EIF3H: variants seen among roughly 807,000 people sequenced by gnomAD.
EIF3H encodes the protein eukaryotic translation initiation factor 3 subunit H.
In EIF3H, 26 loss-of-function variants were observed where a neutral mutation model predicts 44.2. The ratio of observed to expected loss-of-function variants is 0.59; its 90% confidence interval spans 0.43 to 0.82. EIF3H has a LOEUF of 0.82. Ranked by LOEUF, EIF3H falls within the 40% of genes least tolerant of loss-of-function variation. The probability of loss-of-function intolerance (pLI) is 0.00; values close to 1 mark genes in which losing one functional copy is unlikely to be tolerated. For missense variants in EIF3H, 359 were observed against 432.8 expected, an observed-to-expected ratio of 0.83 and a Z score of 1.51; for synonymous variants, 166 against 151.9, an observed-to-expected ratio of 1.09 and a Z score of -0.68.
intron 2 of EIF3H, among the ~76,000 whole-genome samples, chr8:116,725,010 C>T (rs537725199): frequency 6.6e-6 from 1 of 152,272 alleles, no homozygotes; most frequent in South Asian, 2.1e-4. Context: ...TTCACAATAG[C>T]CAACAGGTGG....
At chr8:116,670,386 C>CT (rs1320906029) in intron 2 of EIF3H, among the ~76,000 whole-genome samples, 2 of 152,170 alleles carry the variant, frequency 1.3e-5, no homozygotes, top group Non-Finnish European at 2.9e-5. Context: ...CAAAGATACA[C>CT]TATCAGGACA....
At chr8:116,744,616 AAAG>A (rs1815201560) in intron 1 of EIF3H, among the ~76,000 whole-genome samples, 1 of 152,244 alleles carries the variant, frequency 6.6e-6, no homozygotes, top group South Asian at 2.1e-4. Context: ...TAGCCATTTT[AAAG>A]AATGATCTAC....
Position 116,673,214 on chromosome 8 carries a change from A to G in EIF3H, c.290-14234T>C, listed in dbSNP as rs1053806676. On this transcript the variant is annotated intron_variant, in intron 2 of 7. Transcript: ENST00000521861. ...TTTTAAAACATCAGCAAAAGCAGCA[A>G]GCATTTGGTCACTGCCGGAGGATCC... 2.0e-5 allele frequency among the ~76,000 whole-genome samples: 3 copies of G among 152,194 alleles called. 1 individual carries two copies. In the South Asian group the frequency reaches 6.2e-4, roughly 32 times the overall value.
At chr8:116,656,056 A>G in intron 4 of EIF3H, 51 bp from the exon 5 acceptor site, 1 of 1,564,076 alleles carries the variant, frequency 6.4e-7, no homozygotes, top group Non-Finnish European at 8.7e-7. Flanking sequence ...AGTAAGTGCT[A>G]AACTGACTAC....
intron 2 of EIF3H, among the ~76,000 whole-genome samples, chr8:116,702,065 C>T (rs1223753493): frequency 6.6e-6 from 1 of 152,036 alleles, no homozygotes; most frequent in African/African-American, 2.4e-5. Context: ...AGCATATGAT[C>T]TATGAGACAT....
rs1813270431 is a variant in EIF3H, at chr8:116,644,611, T to C, written c.*395A>G. 2 of 161,794 alleles carry C rather than the reference T, an allele frequency of 1.2e-5. No homozygotes were observed. The highest frequency in any genetic ancestry group is 6.1e-3 in the Middle Eastern group (2 of 330). 10.0% of individuals were successfully genotyped at this position (161,794 alleles called of 1,614,324 possible). A position where few individuals can be genotyped will look rare whatever the true frequency, so the allele number is the denominator to read the frequency against. ...GTATAAAAATTCAAAAAAAAAATATTCACAGTAGATGCCAGGGCCTCGGGG... is the reference window on the plus strand; with the variant it reads ...GTATAAAAATTCAAAAAAAAAATATCCACAGTAGATGCCAGGGCCTCGGGG... On this transcript the variant is annotated 3_prime_UTR_variant, in exon 8 of 8. Transcript: ENST00000521861.
intron 1 of EIF3H, among the ~76,000 whole-genome samples, chr8:116,728,218 A>G (rs894962499): frequency 3.9e-4 from 60 of 152,198 alleles, no homozygotes; most frequent in Admixed American, 3.5e-3. Context: ...ATGACAGGCA[A>G]TAATCTAATT....
At chr8:116,648,526 T>C (rs1381365694) in intron 6 of EIF3H, among the ~76,000 whole-genome samples, 4 of 152,212 alleles carry the variant, frequency 2.6e-5, no homozygotes, top group Non-Finnish European at 5.9e-5. Flanking sequence ...TTCTGGAATC[T>C]CTTTGCTTCT....
rs76158592 is a variant in EIF3H, at chr8:116,688,855, G to T, written c.290-29875C>A. 4.1e-3 allele frequency among the ~76,000 whole-genome samples: 620 copies of T among 152,226 alleles called. 3 individuals carry two copies. The highest frequency in any genetic ancestry group is 0.015 in the African/African-American group (608 of 41,558). ...TAGTATCTTGATTTAAAAAATAATA[G>T]AAACGTGTAAATGGTGCAACTGCTT... On this transcript the variant is annotated intron_variant, in intron 2 of 7. Transcript: ENST00000521861.
intron 1 of EIF3H, among the ~76,000 whole-genome samples, chr8:116,739,510 C>G (rs973251415): frequency 6.6e-6 from 1 of 152,108 alleles, no homozygotes; most frequent in South Asian, 2.1e-4. Context: ...ATTAGCCGGG[C>G]GTGGTGATGG....
chr8:116,732,636 T>G (rs536980625), intron 1 of EIF3H, among the ~76,000 whole-genome samples: 4 of 131,722 alleles, frequency 3.0e-5, no homozygotes, highest in Non-Finnish European at 6.5e-5. Flanking sequence ...CTTCTGTTAT[T>G]TTGACTTCTT....
At chr8:116,647,975 T>C (rs1028142085) in intron 6 of EIF3H, among the ~76,000 whole-genome samples, 3 of 152,008 alleles carry the variant, frequency 2.0e-5, no homozygotes, top group African/African-American at 7.2e-5. Context: ...TCTAAGCTGG[T>C]AGAAACAAAG....
chr8:116,690,379 GA>G (rs36074596), intron 2 of EIF3H, among the ~76,000 whole-genome samples: 82,078 of 148,954 alleles, frequency 0.55, 24,238 homozygotes, highest in Non-Finnish European at 0.67. Context: ...AAATAAACTA[GA>G]AAAAAAAAAA....
At chr8:116,671,155 C>T (rs1813746795) in intron 2 of EIF3H, among the ~76,000 whole-genome samples, 1 of 152,182 alleles carries the variant, frequency 6.6e-6, no homozygotes, top group Admixed American at 6.5e-5. Flanking sequence ...TCTAGGAAAG[C>T]ATAAATAACT....
intron 2 of EIF3H, among the ~76,000 whole-genome samples, chr8:116,669,525 G>A (rs1407464313): frequency 6.6e-6 from 1 of 152,166 alleles, no homozygotes; most frequent in East Asian, 1.9e-4. Flanking sequence ...CCACCCAAGT[G>A]AATAGCTAAA....
intron 5 of EIF3H, 31 bp downstream of exon 5, chr8:116,655,825 C>T: frequency 6.2e-7 from 1 of 1,607,622 alleles, no homozygotes; most frequent in Non-Finnish European, 8.5e-7. Context: ...AGTTCTAAAA[C>T]ATGGGCTTTT....
At chr8:116,663,609 AAGT>A (rs1443719593) in intron 2 of EIF3H, among the ~76,000 whole-genome samples, 1 of 152,174 alleles carries the variant, frequency 6.6e-6, no homozygotes, top group African/African-American at 2.4e-5. Context: ...CACTGAGGAA[AAGT>A]AGTATGCAAC....
intron 2 of EIF3H, among the ~76,000 whole-genome samples, chr8:116,691,521 C>T (rs981772619): frequency 2.7e-5 from 4 of 149,942 alleles, no homozygotes; most frequent in African/African-American, 9.8e-5. Context: ...AATTTTGCCT[C>T]AAAATACCAC....
At chr8:116,736,436 C>T (rs1173860320) in intron 1 of EIF3H, among the ~76,000 whole-genome samples, 1 of 152,146 alleles carries the variant, frequency 6.6e-6, no homozygotes, top group Non-Finnish European at 1.5e-5. Context: ...CTGAGGCCAG[C>T]GGATCACGGG....
Sources: allele counts gnomAD v4.1 joint callset (sites outside exome capture counted in the v4.1 genomes callset), GRCh38; gene constraint gnomAD v4.1.1; transcripts MANE v1.5; gene names NCBI Gene and HGNC (gene_info 2026-07-23, HGNC 2026-07-21).